Variants in ROBO2 observed in about 807,000 individuals in gnomAD.
ROBO2 encodes the protein roundabout homolog 2.
ROBO2 carries 53 observed loss-of-function variants against 160.8 expected under a neutral mutation model. That is an observed-to-expected ratio of 0.33 (90% CI 0.26 to 0.41). The LOEUF is 0.41. Ranked by LOEUF, ROBO2 falls within the 10% of genes least tolerant of loss-of-function variation. ROBO2 has a pLI of 1.00. For synonymous variants in ROBO2, 664 were observed against 611.7 expected, an observed-to-expected ratio of 1.09 and a Z score of -1.26; for missense variants, 1,577 against 1,722.4, an observed-to-expected ratio of 0.92 and a Z score of 1.49.
At chr3:76,143,655 A>G (rs1369709717) in intron 2 of ROBO2, among the ~76,000 whole-genome samples, 2 of 151,926 alleles carry the variant, frequency 1.3e-5, no homozygotes, top group East Asian at 3.9e-4. Context: ...TTCTAAAACC[A>G]CTCCCCAAAT....
chr3:76,319,165 C>T (rs1038776151), intron 2 of ROBO2, among the ~76,000 whole-genome samples: 2 of 152,090 alleles, frequency 1.3e-5, no homozygotes, highest in Non-Finnish European at 2.9e-5. Flanking sequence ...CTGAGGATCA[C>T]CTTTGTCCAA....
At chr3:76,109,746 G>C (rs1275647125) in intron 2 of ROBO2, among the ~76,000 whole-genome samples, 1 of 151,854 alleles carries the variant, frequency 6.6e-6, no homozygotes, top group Non-Finnish European at 1.5e-5. Context: ...TGAAGTTTGA[G>C]CTTTTATTGT....
At chr3:76,753,467 C>G (rs1027562004) in intron 2 of ROBO2, among the ~76,000 whole-genome samples, 1 of 151,668 alleles carries the variant, frequency 6.6e-6, no homozygotes, top group Admixed American at 6.6e-5. Flanking sequence ...AAATATACAT[C>G]CACAGTATGC....
intron 2 of ROBO2, among the ~76,000 whole-genome samples, chr3:76,512,400 G>A (rs1428830271): frequency 6.6e-6 from 1 of 151,480 alleles, no homozygotes; most frequent in East Asian, 1.9e-4. Flanking sequence ...GCCTGCCATT[G>A]TCAGCTGTTG....
At chr3:77,580,118 G>A (rs777014129) in exon 16 of ROBO2, 3 of 1,613,394 alleles carry the variant, frequency 1.9e-6, no homozygotes, top group Non-Finnish European at 2.5e-6. Context: ...AATAATAATC[G>A]GTGAGTATCA....
chr3:77,102,368 A>T, intron 2 of ROBO2, among the ~76,000 whole-genome samples: 1 of 152,134 alleles, frequency 6.6e-6, no homozygotes, highest in East Asian at 1.9e-4. Context: ...TTTGTTCACA[A>T]GGTGCCAATG....
At chr3:76,567,363 C>T (rs943603338) in intron 2 of ROBO2, among the ~76,000 whole-genome samples, 2 of 151,884 alleles carry the variant, frequency 1.3e-5, no homozygotes, top group East Asian at 3.9e-4. Flanking sequence ...CTTTTCAATG[C>T]CGTTTAATAC....
intron 2 of ROBO2, among the ~76,000 whole-genome samples, chr3:77,217,735 G>A (rs1027846267): frequency 3.9e-5 from 6 of 152,144 alleles, no homozygotes; most frequent in South Asian, 2.1e-4. Flanking sequence ...ATTGTAGGAG[G>A]CAATACTTTG....
chr3:76,049,024 A>G (rs1401078221), intron 2 of ROBO2, among the ~76,000 whole-genome samples: 1 of 152,084 alleles, frequency 6.6e-6, no homozygotes. Flanking sequence ...AACTATTAAT[A>G]AAAATAAAGA....
At chr3:77,199,840 C>T (rs1238365485) in intron 2 of ROBO2, among the ~76,000 whole-genome samples, 1 of 151,018 alleles carries the variant, frequency 6.6e-6, no homozygotes, top group Non-Finnish European at 1.5e-5. Context: ...GTTGCCAAGG[C>T]TGGTCTTGAA....
rs528489205 is a variant in ROBO2 at position 76,709,492 on chromosome 3, C to T, written c.110-388522C>T. On this transcript the variant is annotated intron_variant, in intron 2 of 26. Transcript: ENST00000487694. ...CCAGAAGATTTTCACTTGTATCTCACCGGCCAGAACTGTGTCACATATCAA... is the reference window on the plus strand; with the variant it reads ...CCAGAAGATTTTCACTTGTATCTCATCGGCCAGAACTGTGTCACATATCAA... 7.2e-5 allele frequency among the ~76,000 whole-genome samples: 11 copies of T among 152,294 alleles called. No homozygotes were observed. The South Asian group carries it at 2.3e-3, about 32-fold the overall frequency.
At chr3:77,554,642 C>G (rs1018399983) in intron 8 of ROBO2, among the ~76,000 whole-genome samples, 6 of 151,912 alleles carry the variant, frequency 3.9e-5, no homozygotes, top group African/African-American at 1.4e-4. Flanking sequence ...GAGGAAGTAA[C>G]TGCACATGTG....
intron 2 of ROBO2, among the ~76,000 whole-genome samples, chr3:76,015,740 G>T (rs1439594708): frequency 6.6e-6 from 1 of 152,196 alleles, no homozygotes; most frequent in Non-Finnish European, 1.5e-5. Flanking sequence ...AAGTTAGGCA[G>T]CAGTTTTTAT....
intron 2 of ROBO2, among the ~76,000 whole-genome samples, chr3:76,588,504 T>C (rs750406451): frequency 1.3e-5 from 2 of 152,188 alleles, no homozygotes; most frequent in Non-Finnish European, 2.9e-5. Context: ...GTATAAAGCA[T>C]CTCTGTTGAA....
intron 2 of ROBO2, among the ~76,000 whole-genome samples, chr3:76,149,495 T>C (rs1009412859): frequency 6.6e-6 from 1 of 151,966 alleles, no homozygotes; most frequent in Non-Finnish European, 1.5e-5. Context: ...AAACACATCA[T>C]CTGTCTGAAG....
chr3:76,190,915 G>A (rs1294052388), intron 2 of ROBO2, among the ~76,000 whole-genome samples: 1 of 152,008 alleles, frequency 6.6e-6, no homozygotes, highest in Non-Finnish European at 1.5e-5. Context: ...CAGACTTGAT[G>A]TTTTTTGATT....
chr3:76,449,347 C>T lies in ROBO2; in HGVS notation c.109+511745C>T, dbSNP rs188515996. On this transcript the variant is annotated intron_variant, in intron 2 of 26. Coordinates refer to the ROBO2 transcript ENST00000487694. ...GGGAGACTAGACCATTTTACATACT[C>T]CACTGTGTAGAACACTAGAATAGAT... Among the ~76,000 whole-genome samples, 11 of 152,148 alleles carry T rather than the reference C, an allele frequency of 7.2e-5. No individual in the cohort carries two copies. In the South Asian group the frequency reaches 1.0e-3, roughly 14 times the overall value.
At chr3:76,524,494 A>G (rs1030547540) in intron 2 of ROBO2, among the ~76,000 whole-genome samples, 5 of 151,848 alleles carry the variant, frequency 3.3e-5, no homozygotes, top group African/African-American at 1.2e-4. Flanking sequence ...GACAATTTTT[A>G]AGCACCCAGA....
chr3:76,240,261 C>T (rs568802446), intron 2 of ROBO2, among the ~76,000 whole-genome samples: 1 of 152,082 alleles, frequency 6.6e-6, no homozygotes, highest in Non-Finnish European at 1.5e-5. Context: ...AGGTATTTGT[C>T]CTAATGCTCT....
Sources: gnomAD v4.1 joint callset for allele counts (sites outside exome capture counted in the v4.1 genomes callset) on GRCh38, gnomAD v4.1.1 for gene constraint, MANE v1.5 for transcripts, NCBI Gene and HGNC (gene_info 2026-07-23, HGNC 2026-07-21) for gene names.